ERBB4: variants seen among roughly 807,000 people sequenced by gnomAD.
The protein encoded by ERBB4 is receptor tyrosine-protein kinase erbB-4.
Under a neutral mutation model 158.0 loss-of-function variants are expected in ERBB4, and 42 were observed. The ratio of observed to expected loss-of-function variants is 0.27; its 90% CI spans 0.21 to 0.34. The LOEUF is 0.34. Ranked by LOEUF, ERBB4 falls within the 10% of genes least tolerant of loss-of-function variation. The pLI, the probability that ERBB4 is intolerant of heterozygous loss-of-function variation, is 1.00. For synonymous variants in ERBB4, 583 were observed against 558.7 expected (o/e 1.04, Z -0.61); for missense variants, 1,333 against 1,624.1 (o/e 0.82, Z 3.08).
At chr2:211,959,528 A>G (rs942604484) in intron 2 of ERBB4, among the ~76,000 whole-genome samples, 2 of 152,092 alleles carry the variant, frequency 1.3e-5, no homozygotes, top group African/African-American at 4.8e-5. Flanking sequence ...ATTGTTACTT[A>G]GAGAGGCACT....
In ERBB4 at chr2:211,702,161, A is replaced by G; in HGVS notation, c.1295T>C (p.Leu432Pro). The change falls in exon 12 of 28, where the codon CTG becomes CCG. Residue 432 changes from leucine to proline, a missense_variant. Around this residue, in one of 5 missense-constraint regions of ERBB4, gnomAD observed 438 missense variants for 586.9 expected, o/e 0.75. Coordinates refer to ENST00000342788, the MANE Select transcript of ERBB4 (RefSeq NM_005235.3). ...TIGGRVLYSGLSLLILKQQGI... is the reference protein window; with the variant it reads ...TIGGRVLYSGPSLLILKQQGI... The stretch of plus-strand genomic sequence containing the variant: ...CTGTTGCTTGAGGATAAGCAAGGAC[A>G]GGCCACTAAGGAGGGGGAAGTGAGA... The G allele has an allele frequency of 6.2e-7, 1 of 1,613,786 alleles. No homozygotes were observed. Among genetic ancestry groups the G allele is most frequent in the Non-Finnish European group, 8.5e-7 (1 of 1,179,664 alleles).
chr2:212,244,123 AAG>A (rs1574506605), intron 1 of ERBB4, among the ~76,000 whole-genome samples: 1 of 152,170 alleles, frequency 6.6e-6, no homozygotes, highest in African/African-American at 2.4e-5. Flanking sequence ...ATATGAGAGA[AAG>A]AGAGACTGGT....
At chr2:211,694,052 A>T (rs889471529) in intron 12 of ERBB4, among the ~76,000 whole-genome samples, 1 of 152,088 alleles carries the variant, frequency 6.6e-6, no homozygotes, top group South Asian at 2.1e-4. Context: ...TACACTAGTC[A>T]TTTGATGAAG....
chr2:212,131,672 G>C (rs532010916), intron 1 of ERBB4, among the ~76,000 whole-genome samples: 22 of 152,164 alleles, frequency 1.4e-4, no homozygotes, highest in Non-Finnish European at 2.2e-4. Flanking sequence ...CTCCACAATG[G>C]AGGTAATAAG....
At chr2:212,059,322 C>T (rs564216652) in intron 2 of ERBB4, among the ~76,000 whole-genome samples, 1 of 152,164 alleles carries the variant, frequency 6.6e-6, no homozygotes, top group East Asian at 1.9e-4. Context: ...ACATTCCATT[C>T]TCATGGATAG....
At position 211,393,767 on chromosome 2, in the gene ERBB4, G is replaced by A. The variant is rs867978672; in HGVS notation, c.3136-5775C>T. Among the ~76,000 whole-genome samples the A allele has an allele frequency of 3.5e-3, 524 of 150,206 alleles. 4 individuals are homozygous for A. The highest frequency in any genetic ancestry group is 0.012 in the African/African-American group (467 of 39,968). ...TGTGTGTGTGTGTGTGTGTGTGTGTGTGTGTGTGTGTGTGTGTATTTTTCC... is the reference window on the plus strand; with the variant it reads ...TGTGTGTGTGTGTGTGTGTGTGTGTATGTGTGTGTGTGTGTGTATTTTTCC... On this transcript the variant is annotated intron_variant, in intron 25 of 27. Coordinates refer to ENST00000342788, the MANE Select transcript of ERBB4 (RefSeq NM_005235.3).
At chr2:211,970,207 T>C (rs2125198554) in intron 2 of ERBB4, among the ~76,000 whole-genome samples, 1 of 152,288 alleles carries the variant, frequency 6.6e-6, no homozygotes, top group South Asian at 2.1e-4. Flanking sequence ...TTTGAGTGAA[T>C]TTCTTAGTCT....
At chr2:212,387,221 T>C (rs1194203685) in intron 1 of ERBB4, among the ~76,000 whole-genome samples, 1 of 152,120 alleles carries the variant, frequency 6.6e-6, no homozygotes, top group Non-Finnish European at 1.5e-5. Context: ...TATCTTATTT[T>C]CTGGATACAA....
At chr2:211,954,136 TTTC>T (rs568130890) in intron 2 of ERBB4, among the ~76,000 whole-genome samples, 1 of 152,194 alleles carries the variant, frequency 6.6e-6, no homozygotes, top group South Asian at 2.1e-4. Flanking sequence ...CCCTAATTCT[TTTC>T]TTCTTAGTTG....
At chr2:212,185,021 CTT>C (rs1553584051) in intron 1 of ERBB4, among the ~76,000 whole-genome samples, 1 of 132,514 alleles carries the variant, frequency 7.5e-6, no homozygotes. Context: ...ACTTTTTTTT[CTT>C]TTTTTTTTTT....
chr2:212,071,439 A>C (rs891388054), intron 2 of ERBB4, among the ~76,000 whole-genome samples: 1 of 151,958 alleles, frequency 6.6e-6, no homozygotes. Flanking sequence ...CTAATCAAAG[A>C]CATAATACAT....
chr2:212,391,577 A>G (rs2090855908), intron 1 of ERBB4, among the ~76,000 whole-genome samples: 1 of 148,448 alleles, frequency 6.7e-6, no homozygotes, highest in Non-Finnish European at 1.5e-5. Flanking sequence ...AAAATTATGG[A>G]TTCTTCAAAG....
chr2:212,112,319 G>C (rs892059501), intron 2 of ERBB4, among the ~76,000 whole-genome samples: 1 of 151,906 alleles, frequency 6.6e-6, no homozygotes, highest in African/African-American at 2.4e-5. Flanking sequence ...TCAAGTTCTC[G>C]GTACAGTTTT....
chr2:211,721,935 T>C (rs555878455), intron 7 of ERBB4, among the ~76,000 whole-genome samples: 6 of 152,258 alleles, frequency 3.9e-5, no homozygotes, highest in African/African-American at 1.4e-4. Context: ...CCGTCTCGGC[T>C]CACTGCAACC....
Position 212,040,104 on chromosome 2 carries a change from T to G in ERBB4, c.234+84648A>C, listed in dbSNP as rs369512913. Among the ~76,000 whole-genome samples the G allele has an allele frequency of 3.3e-5, 5 of 152,006 alleles. No individual in the cohort carries two copies. In the East Asian group the frequency reaches 5.8e-4, roughly 18 times the overall value. On this transcript the variant is annotated intron_variant, in intron 2 of 27. Transcript: ENST00000342788. The stretch of plus-strand genomic sequence containing the variant: ...TGGAAGTAGACACCTTCAAAGGGCA[T>G]GCCAGTTATATAAATATTTTAACTG...
chr2:212,253,612 G>A (rs1559852817), intron 1 of ERBB4, among the ~76,000 whole-genome samples: 3 of 152,136 alleles, frequency 2.0e-5, no homozygotes, highest in African/African-American at 7.2e-5. Flanking sequence ...TGCCCATGCA[G>A]CTGGTTAGCA....
At chr2:211,738,361 G>GTTTTTTTTTTTTTT (rs10535592) in intron 5 of ERBB4, among the ~76,000 whole-genome samples, 1 of 135,342 alleles carries the variant, frequency 7.4e-6, no homozygotes. Context: ...CTTTGTTTTT[G>GTTTTTTTTTTTTTT]TTTTTTTTTT....
chr2:211,734,902 ACT>A (rs1359077322), intron 5 of ERBB4, among the ~76,000 whole-genome samples: 1 of 113,186 alleles, frequency 8.8e-6, no homozygotes, highest in African/African-American at 4.2e-5. Flanking sequence ...GACAAGCGAG[ACT>A]CTGTCAAAAA....
intron 20 of ERBB4, among the ~76,000 whole-genome samples, chr2:211,531,352 G>A (rs988620098): frequency 3.9e-5 from 6 of 152,014 alleles, no homozygotes; most frequent in African/African-American, 1.4e-4. Flanking sequence ...GCACAGCAAA[G>A]GGAACAATCA....
Sources: allele counts gnomAD v4.1 joint callset (sites outside exome capture counted in the v4.1 genomes callset), GRCh38; gene constraint gnomAD v4.1.1; regional missense constraint gnomAD v4.1.1; transcripts MANE v1.5; gene names NCBI Gene and HGNC (gene_info 2026-07-23, HGNC 2026-07-21).